The following SLC27A1 variants were observed in gnomAD, a reference collection of about 807,000 sequenced individuals.
SLC27A1 encodes long-chain fatty acid transport protein 1.
Under a neutral mutation model 62.2 loss-of-function variants are expected in SLC27A1, and 61 were observed. The ratio of observed to expected loss-of-function variants is 0.98; its 90% CI spans 0.80 to 1.21. SLC27A1 has a LOEUF of 1.21. Ranked by LOEUF, SLC27A1 falls within the 50% of genes most tolerant of loss-of-function variation. The pLI is 0.00. For missense variants in SLC27A1, 903 were observed against 932.1 expected, an observed-to-expected ratio of 0.97 and a Z score of 0.41; for synonymous variants, 435 against 408.6, an observed-to-expected ratio of 1.06 and a Z score of -0.78.
At chr19:17,503,469 AT>A (rs2075438786) in intron 11 of SLC27A1, 1 of 152,088 alleles carries the variant, frequency 6.6e-6, no homozygotes, top group Non-Finnish European at 1.5e-5. Context: ...CTAAATTTTT[AT>A]TTATTTTTTG....
At position 17,497,302 on chromosome 19, in the gene SLC27A1, G is replaced by A. The variant is rs749090458; in HGVS notation, c.1044G>A (p.Pro348=). The change falls in exon 7 of 12, where the codon CCG becomes CCA. Residue 348 remains proline (P), a synonymous_variant. Coordinates refer to ENST00000252595, the MANE Select transcript of SLC27A1 (RefSeq NM_198580.3). The part of the protein sequence containing the change: ...GEICRYLLKQ[P]VREAERRHRV... Reference sequence around the variant, plus strand: ...TCTGCCGCTACCTGCTGAAGCAGCCGGTGCGCGAGGCGGAGAGGCGACACC... The same window carrying A: ...TCTGCCGCTACCTGCTGAAGCAGCCAGTGCGCGAGGCGGAGAGGCGACACC... 7 of 1,606,356 alleles carry A rather than the reference G, an allele frequency of 4.4e-6. No individual in the cohort carries two copies. The highest frequency in any genetic ancestry group is 1.7e-5 in the Admixed American group (1 of 57,844).
intron 1 of SLC27A1, among the ~76,000 whole-genome samples, chr19:17,481,075 G>A (rs1035369493): frequency 3.3e-5 from 5 of 151,634 alleles, no homozygotes; most frequent in African/African-American, 7.3e-5. Flanking sequence ...ACAGGCATGC[G>A]CCACCACGCC....
At chr19:17,488,445 C>T (rs1424424194) in intron 4 of SLC27A1, among the ~76,000 whole-genome samples, 2 of 152,176 alleles carry the variant, frequency 1.3e-5, no homozygotes, top group Non-Finnish European at 2.9e-5. Context: ...TCCCCTTCAC[C>T]CCGTACTCAC....
chr19:17,472,514 T>G (rs2075086846), intron 1 of SLC27A1, among the ~76,000 whole-genome samples: 2 of 152,004 alleles, frequency 1.3e-5, no homozygotes, highest in African/African-American at 4.8e-5. Flanking sequence ...TGCACTTACC[T>G]TTTGTCTATT....
rs749637535 is a variant in SLC27A1, at chr19:17,501,303, T to C, written c.1667T>C (p.Val556Ala). Residue 556 changes from valine (V) to alanine (A), a missense_variant, in exon 11 of 12, where the codon GTC becomes GCC. Val to Ala is a moderately conservative substitution (Grantham distance 64, BLOSUM62 0). Coordinates refer to ENST00000252595, the MANE Select transcript of SLC27A1 (RefSeq NM_198580.3). ...GVEGKAGMAA[V>A]ADPHSLLDPN... The stretch of plus-strand genomic sequence containing the variant: ...GAGGGTAAGGCAGGGATGGCGGCCG[T>C]CGCAGACCCCCACAGCCTGCTGGAC... The C allele has an allele frequency of 1.9e-6, 3 of 1,613,588 alleles. No homozygotes were observed. In the Admixed American group the frequency reaches 5.0e-5, roughly 27 times the overall value.
At chr19:17,482,294 G>A (rs1279872190) in intron 1 of SLC27A1, among the ~76,000 whole-genome samples, 1 of 152,136 alleles carries the variant, frequency 6.6e-6, no homozygotes, top group Non-Finnish European at 1.5e-5. Flanking sequence ...TGAGGCAGGC[G>A]GATCACCTGA....
At chr19:17,493,872 T>G (rs1644766738) in intron 6 of SLC27A1, among the ~76,000 whole-genome samples, 1 of 152,054 alleles carries the variant, frequency 6.6e-6, no homozygotes, top group South Asian at 2.1e-4. Context: ...GTGATCTGCC[T>G]GCCCCAGCCT....
At chr19:17,478,430 G>A (rs1167619157) in intron 1 of SLC27A1, among the ~76,000 whole-genome samples, 1 of 135,048 alleles carries the variant, frequency 7.4e-6, no homozygotes, top group East Asian at 2.1e-4. Context: ...TTGTGCCATT[G>A]CACTCCAGCC....
chr19:17,501,480 T>C, intron 11 of SLC27A1, 61 bp downstream of exon 11: 1 of 1,571,752 alleles, frequency 6.4e-7, no homozygotes, highest in South Asian at 1.1e-5. Context: ...TTGATTCATG[T>C]CTTGGTCCAT....
chr19:17,500,648 G>A lies in SLC27A1; in HGVS notation c.1471+16G>A, dbSNP rs778122221. 6.2e-7 allele frequency: 1 copy of A among 1,613,950 alleles called. No homozygotes were observed. Among genetic ancestry groups the A allele is most frequent in the South Asian group, 1.1e-5 (1 of 91,086 alleles). ...TACCTCTCAGGTGCGCAGCCTGCTA[G>A]GCCCCGGTGACTGGCTGTGCGGATG... On this transcript the variant is annotated intron_variant, in intron 9 of 11. Transcript: ENST00000252595.
chr19:17,500,525 A>G lies in SLC27A1; in HGVS notation c.1364A>G (p.Asn455Ser), dbSNP rs1448786477. The change falls in exon 9 of 12, where the codon AAC becomes AGC. Residue 455 changes from asparagine to serine, a missense_variant. By Grantham distance (46) the Asn-to-Ser change is conservative. Coordinates refer to ENST00000252595, the MANE Select transcript of SLC27A1 (RefSeq NM_198580.3). Reference protein sequence around the residue: ...GEPGLLVGQINQQDPLRRFDG... With the variant: ...GEPGLLVGQISQQDPLRRFDG... ...CCTGGCCTCCTTGTGGGTCAGATCA[A>G]CCAACAGGACCCGCTGCGCCGCTTC... 1.2e-6 allele frequency: 2 copies of G among 1,613,508 alleles called. No homozygotes were observed. Among genetic ancestry groups the G allele is most frequent in the African/African-American group, 2.7e-5 (2 of 74,934 alleles).
rs371654438 is a variant in SLC27A1 at position 17,497,309 on chromosome 19, G to A, written c.1051G>A (p.Glu351Lys). The A allele has an allele frequency of 1.6e-5, 26 of 1,606,088 alleles. No individual in the cohort carries two copies. The African/African-American group carries it at 2.2e-4, about 13-fold the overall frequency. Residue 351 changes from glutamate to lysine, a missense_variant, in exon 7 of 12, where the codon GAG (glutamate) becomes AAG (lysine). Physicochemically the swap from Glu to Lys is moderately conservative, Grantham distance 56. Transcript: ENST00000252595. ...CRYLLKQPVR[E>K]AERRHRVRLA... ...CTACCTGCTGAAGCAGCCGGTGCGCGAGGCGGAGAGGCGACACCGCGTGCG... is the reference window on the plus strand; with the variant it reads ...CTACCTGCTGAAGCAGCCGGTGCGCAAGGCGGAGAGGCGACACCGCGTGCG...
chr19:17,502,344 G>GTTTTT (rs1231886797), intron 11 of SLC27A1, among the ~76,000 whole-genome samples: 310 of 15,568 alleles, frequency 0.02, no homozygotes, highest in Non-Finnish European at 0.028. Flanking sequence ...TGTTTTTTTT[G>GTTTTT]TTTTTTTTTT....
intron 1 of SLC27A1, among the ~76,000 whole-genome samples, chr19:17,478,805 G>A (rs977332780): frequency 6.6e-6 from 1 of 151,990 alleles, no homozygotes; most frequent in African/African-American, 2.4e-5. Context: ...TGCAGTGAGC[G>A]GAGGTTGCAG....
rs79634560 is a variant in SLC27A1, at chr19:17,481,992, C to G, written c.168-4571C>G. On this transcript the variant is annotated intron_variant, in intron 1 of 11. Coordinates refer to ENST00000252595, the MANE Select transcript of SLC27A1 (RefSeq NM_198580.3). ...CTGGGGCCACGGGTGGCTGCTCTCT[C>G]CCTAGGCCTGCAGGATTGGAACCTG... Among the ~76,000 whole-genome samples the G allele has an allele frequency of 5.2e-3, 792 of 152,250 alleles. 5 individuals carry two copies. Among genetic ancestry groups the G allele is most frequent in the African/African-American group, 0.018 (760 of 41,558 alleles).
chr19:17,504,382 G>A (rs2075452065), intron 11 of SLC27A1, 73 bp from the exon 12 acceptor site: 3 of 1,573,022 alleles, frequency 1.9e-6, no homozygotes, highest in South Asian at 1.1e-5. Flanking sequence ...CAGAGGTGCA[G>A]GAGAGGATAT....
At chr19:17,493,383 G>A (rs1261491865) in intron 6 of SLC27A1, among the ~76,000 whole-genome samples, 2 of 137,398 alleles carry the variant, frequency 1.5e-5, no homozygotes, top group East Asian at 2.1e-4. Flanking sequence ...AGCCGAGATC[G>A]CGCCACTGCA....
chr19:17,477,907 T>G (rs1056068859), intron 1 of SLC27A1, among the ~76,000 whole-genome samples: 9 of 151,268 alleles, frequency 5.9e-5, no homozygotes, highest in African/African-American at 1.9e-4. Context: ...AGAGATGAGG[T>G]CTCACTATAT....
intron 1 of SLC27A1, among the ~76,000 whole-genome samples, chr19:17,484,565 A>G (rs1393694095): frequency 6.6e-6 from 1 of 152,068 alleles, no homozygotes; most frequent in African/African-American, 2.4e-5. Context: ...TGGGCGACAG[A>G]GTGAGACCCT....
Sources: gnomAD v4.1 joint callset for allele counts (sites outside exome capture counted in the v4.1 genomes callset) on GRCh38, gnomAD v4.1.1 for gene constraint, MANE v1.5 for transcripts, NCBI Gene and HGNC (gene_info 2026-07-23, HGNC 2026-07-21) for gene names.